The following PROX2 variants were observed in gnomAD, a reference collection of about 807,000 sequenced individuals.
PROX2 encodes the protein prospero homeobox 2.
A neutral mutation model predicts 48.9 loss-of-function variants in PROX2; 46 were observed. That is an observed-to-expected ratio of 0.94 (90% CI 0.74 to 1.20). PROX2 has a LOEUF of 1.20. Among genes scored for constraint, PROX2 ranks in the 50% most tolerant of loss-of-function variants. PROX2 has a pLI of 0.00. For synonymous variants in PROX2, 260 were observed against 276.6 expected (o/e 0.94, Z 0.60); for missense variants, 663 against 719.4 (o/e 0.92, Z 0.90).
intron 3 of PROX2, chr14:74,859,290 G>A (rs1054802699): frequency 1.3e-5 from 2 of 152,156 alleles, no homozygotes; most frequent in Non-Finnish European, 2.9e-5. Flanking sequence ...CTGTTGCAGC[G>A]ATGACCTTAT....
chr14:74,857,100 C>A, intron 4 of PROX2, 105 bp from the exon 5 acceptor site: 2 of 821,212 alleles, frequency 2.4e-6, no homozygotes, highest in Non-Finnish European at 3.9e-6. Flanking sequence ...CGGCTTTAAC[C>A]AGCATTAACA....
intron 3 of PROX2, 126 bp downstream of exon 3, chr14:74,862,404 G>T: frequency 9.7e-7 from 1 of 1,033,738 alleles, no homozygotes; most frequent in Non-Finnish European, 1.4e-6. Context: ...ATGTTGTGCA[G>T]GCTAGTCTTG....
chr14:74,861,000 G>C (rs2091790787), intron 3 of PROX2, among the ~76,000 whole-genome samples: 1 of 152,214 alleles, frequency 6.6e-6, no homozygotes, highest in Non-Finnish European at 1.5e-5. Context: ...GCCTCCAAGA[G>C]TGGTGGCAAG....
At position 74,863,681 on chromosome 14, in the gene PROX2, C is replaced by G; in HGVS notation, c.154G>C (p.Asp52His). Reference protein sequence around the residue: ...WSQVPSSSPTDPEWFGDEHIQ... With the variant: ...WSQVPSSSPTHPEWFGDEHIQ... ...TGCTCATCACCAAACCATTCGGGGT[C>G]TGTAGGGCTGGAGCTGGGGACCTGA... Residue 52 changes from aspartate (D) to histidine (H), a missense_variant, in exon 3 of 6, where the codon GAC (aspartate) becomes CAC (histidine). By Grantham distance (81) the Asp-to-His change is moderately conservative. Transcript: ENST00000556489. 6.5e-7 allele frequency: 1 copy of G among 1,549,902 alleles called. No homozygotes were observed. Among genetic ancestry groups the G allele is most frequent in the Non-Finnish European group, 8.7e-7 (1 of 1,149,506 alleles).
chr14:74,869,138 T>C (rs1354014228), intron 2 of PROX2, among the ~76,000 whole-genome samples: 2 of 152,218 alleles, frequency 1.3e-5, no homozygotes, highest in Non-Finnish European at 2.9e-5. Flanking sequence ...ACATATTTCT[T>C]TGGGGACTAC....
intron 3 of PROX2, among the ~76,000 whole-genome samples, chr14:74,859,975 A>G (rs957028627): frequency 6.6e-6 from 1 of 152,194 alleles, no homozygotes; most frequent in African/African-American, 2.4e-5. Context: ...CCTCATTGCT[A>G]AGATGTGGAG....
chr14:74,875,411 A>G (rs1343155112), intron 1 of PROX2, among the ~76,000 whole-genome samples: 2 of 152,172 alleles, frequency 1.3e-5, no homozygotes, highest in Non-Finnish European at 2.9e-5. Context: ...AGCAGCTGCA[A>G]TGCCTCCTTG....
Position 74,854,216 on chromosome 14 carries a change from G to C in PROX2, c.*916C>G, listed in dbSNP as rs574704227. ...GCACCAATTGCAATGGTCAGCTGGA[G>C]ACTATTTGCATTATCCAGCTGATAA... On this transcript the variant is annotated 3_prime_UTR_variant, in exon 6 of 6. Coordinates refer to ENST00000556489, the MANE Select transcript of PROX2 (RefSeq NM_001243007.2). The C allele has an allele frequency of 2.2e-6, 1 of 449,994 alleles. No homozygotes were observed. The highest frequency in any genetic ancestry group is 4.5e-6 in the Non-Finnish European group (1 of 224,136). The allele number at this position is 449,994 out of a possible 1,614,324, so 27.9% of individuals were successfully genotyped here.
intron 3 of PROX2, among the ~76,000 whole-genome samples, chr14:74,860,412 A>C (rs1350382634): frequency 6.6e-6 from 1 of 151,948 alleles, no homozygotes; most frequent in African/African-American, 2.4e-5. Flanking sequence ...GGGGAAAATC[A>C]TAGGGCCTGT....
At chr14:74,856,385 C>G (rs1322543270) in intron 5 of PROX2, 1 of 159,822 alleles carries the variant, frequency 6.3e-6, no homozygotes, top group African/African-American at 2.4e-5. Context: ...AGGGAAAATA[C>G]AGATAAGAAT....
At chr14:74,862,470 A>C in intron 3 of PROX2, 60 bp downstream of exon 3, 1 of 1,548,986 alleles carries the variant, frequency 6.5e-7, no homozygotes, top group Non-Finnish European at 8.7e-7. Flanking sequence ...CTGGGATTAC[A>C]AGCATGAGCC....
rs374491231 is a variant in PROX2, at chr14:74,857,035, C to G, written c.1414-40G>C. On this transcript the variant is annotated intron_variant, in intron 4 of 5. Transcript: ENST00000556489. ...GGTCCATCCAGTCAGACATTTGCCA[C>G]GAGGTGCTCAGAATTAGAACTGTCT... 1.1e-4 allele frequency: 175 copies of G among 1,565,098 alleles called. 1 individual carries two copies. The highest frequency in any genetic ancestry group is 1.5e-4 in the Non-Finnish European group (169 of 1,137,476).
chr14:74,863,980 C>T lies in PROX2; in HGVS notation c.-146G>A, dbSNP rs764705995. 44 of 1,076,320 alleles carry T rather than the reference C, an allele frequency of 4.1e-5. No individual in the cohort carries two copies. Among genetic ancestry groups the T allele is most frequent in the Non-Finnish European group, 5.1e-5 (42 of 830,920 alleles). The allele number at this position is 1,076,320 out of a possible 1,614,324, so 66.7% of individuals were successfully genotyped here. ...AGGAAGGATTCAGATTCTGGGATGC[C>T]AGGGCTCATGAACCTCCTGGGCAGA... On this transcript the variant is annotated 5_prime_UTR_variant, in exon 3 of 6. Transcript: ENST00000556489.
In PROX2 at chr14:74,856,952, T is replaced by C; in HGVS notation, c.1457A>G (p.Asn486Ser). ...ITSQMIKWFS[N>S]FREFYYIQME... ...TTGGATGTAATAAAACTCACGAAAG[T>C]TGCTGAACCACTTGATCATCTGGGA... Residue 486 changes from asparagine to serine, a missense_variant, in exon 5 of 6, where the codon AAC (asparagine) becomes AGC (serine). Asn to Ser is a conservative substitution (Grantham distance 46). Transcript: ENST00000556489. 6.2e-7 allele frequency: 1 copy of C among 1,614,030 alleles called. No individual in the cohort carries two copies. Among genetic ancestry groups the C allele is most frequent in the South Asian group, 1.1e-5 (1 of 91,086 alleles).
chr14:74,863,295 GCCATTCCCCTGCTTTGCAC>G lies in PROX2; in HGVS notation c.521_539del (p.Ser174ThrfsTer44). ...CCACAACCCAGGGGCGAGGCCCACA[GCCATTCCCCTGCTTTGCAC>G]TCAGAGGGCCTTTCCCCGTGCCACA... On this transcript the variant is annotated frameshift_variant, in exon 3 of 6. Transcript: ENST00000556489. LOFTEE classifies it high-confidence loss of function. The G allele has an allele frequency of 6.2e-7, 1 of 1,614,030 alleles. No individual in the cohort carries two copies. The highest frequency in any genetic ancestry group is 8.5e-7 in the Non-Finnish European group (1 of 1,179,890).
intron 1 of PROX2, among the ~76,000 whole-genome samples, chr14:74,873,264 G>A (rs1883259814): frequency 6.6e-6 from 1 of 152,112 alleles, no homozygotes; most frequent in African/African-American, 2.4e-5. Flanking sequence ...ATTACAGTCA[G>A]TCGTGAGCCA....
At chr14:74,873,944 G>T in intron 1 of PROX2, 1 of 480,682 alleles carries the variant, frequency 2.1e-6, no homozygotes, top group South Asian at 1.5e-5. Flanking sequence ...AAGATGTATT[G>T]GAAATAGTTA....
rs1002344826 is a variant in PROX2 at position 74,856,970 on chromosome 14, A to T, written c.1439T>A (p.Met480Lys). 1 of 1,614,008 alleles carries T rather than the reference A, an allele frequency of 6.2e-7. No individual in the cohort carries two copies. The highest frequency in any genetic ancestry group is 1.3e-5 in the African/African-American group (1 of 75,058). The change falls in exon 5 of 6, where the codon ATG becomes AAG. Residue 480 changes from methionine to lysine, a missense_variant. Coordinates refer to ENST00000556489, the MANE Select transcript of PROX2 (RefSeq NM_001243007.2). ...ACGAAAGTTGCTGAACCACTTGATC[A>T]TCTGGGAGGTAATGCAGCGGTTGAA... ...VQFNRCITSQMIKWFSNFREF... is the reference protein window; with the variant it reads ...VQFNRCITSQKIKWFSNFREF...
Position 74,862,583 on chromosome 14 carries a change from C to A in PROX2, c.1252G>T (p.Glu418Ter). ...SLPLLPSVKMEQRGLHAVMEA... is the reference protein window; with the variant it reads ...SLPLLPSVKM The stretch of plus-strand genomic sequence containing the variant: ...ATGACAGCATGCAGGCCTCTCTGTT[C>A]CATCTTCACCGAGGGAAGAAGGGGT... The change falls in exon 3 of 6, where the codon GAA (glutamate) becomes TAA (stop). Residue 418 changes from glutamate to a stop codon, truncating the protein, a stop_gained. Transcript: ENST00000556489. LOFTEE classifies it high-confidence loss of function. The A allele has an allele frequency of 5.6e-6, 9 of 1,613,938 alleles. No individual in the cohort carries two copies. The highest frequency in any genetic ancestry group is 6.8e-6 in the Non-Finnish European group (8 of 1,179,888).
Sources: gnomAD v4.1 joint callset for allele counts (sites outside exome capture counted in the v4.1 genomes callset) on GRCh38, gnomAD v4.1.1 for gene constraint, MANE v1.5 for transcripts, NCBI Gene and HGNC (gene_info 2026-07-23, HGNC 2026-07-21) for gene names.